Variants in KAZN observed in about 807,000 individuals in gnomAD.
KAZN encodes kazrin, periplakin interacting protein, also known as kazrin.
KAZN carries 40 observed loss-of-function variants against 87.4 expected under a neutral mutation model. The ratio of observed to expected loss-of-function variants is 0.46; its 90% CI spans 0.36 to 0.60. The LOEUF (loss-of-function observed/expected upper bound fraction) is 0.60. Among genes scored for constraint, KAZN ranks in the 20% least tolerant of loss-of-function variants. KAZN has a pLI of 0.00. For missense variants in KAZN, 898 were observed against 1,073.9 expected (o/e 0.84, Z 2.29); for synonymous variants, 466 against 458.3 (o/e 1.02, Z -0.22).
rs571448523 is a variant in KAZN, at chr1:15,087,605, G to A, written c.1223-6575G>A. ...AGACGGGGTTTCACCATGTCGGCCA[G>A]GGTGGTCTTGACCTCAGGTGATCCA... On this transcript the variant is annotated intron_variant, in intron 8 of 14. Transcript: ENST00000376030. Among the ~76,000 whole-genome samples the A allele has an allele frequency of 8.5e-5, 13 of 152,246 alleles. No individual in the cohort carries two copies. The East Asian group carries it at 2.3e-3, about 27-fold the overall frequency.
At chr1:14,283,445 G>A (rs770939578) in intron 2 of KAZN, among the ~76,000 whole-genome samples, 12 of 152,040 alleles carry the variant, frequency 7.9e-5, no homozygotes, top group African/African-American at 2.7e-4. Context: ...CCAAACAGAC[G>A]TCTCTTACAA....
chr1:14,573,670 A>G (rs905636330), intron 2 of KAZN, among the ~76,000 whole-genome samples: 2 of 152,144 alleles, frequency 1.3e-5, no homozygotes, highest in Non-Finnish European at 2.9e-5. Context: ...AAAAAGAAAG[A>G]AATACACTAA....
At chr1:14,897,120 G>A (rs1366142753) in intron 1 of KAZN, among the ~76,000 whole-genome samples, 2 of 152,140 alleles carry the variant, frequency 1.3e-5, no homozygotes, top group African/African-American at 4.8e-5. Context: ...GCCCTCTTCT[G>A]GGTGTCAGCT....
chr1:14,052,466 G>A (rs555897369), intron 1 of KAZN, among the ~76,000 whole-genome samples: 2 of 152,128 alleles, frequency 1.3e-5, no homozygotes, highest in African/African-American at 4.8e-5. Flanking sequence ...CCCTATGGGA[G>A]TTTACAATTA....
chr1:14,992,137 G>A (rs1029160902), intron 2 of KAZN, among the ~76,000 whole-genome samples: 1 of 152,096 alleles, frequency 6.6e-6, no homozygotes, highest in Non-Finnish European at 1.5e-5. Context: ...CCATTACCGG[G>A]GCCCCAGCAG....
intron 1 of KAZN, among the ~76,000 whole-genome samples, chr1:14,795,315 G>A (rs190141113): frequency 1.4e-4 from 22 of 152,272 alleles, no homozygotes; most frequent in South Asian, 4.1e-4. Flanking sequence ...TGTAAGGGGT[G>A]TGCAGATGGA....
At chr1:14,792,726 C>T (rs1645713639) in intron 1 of KAZN, among the ~76,000 whole-genome samples, 1 of 152,176 alleles carries the variant, frequency 6.6e-6, no homozygotes, top group South Asian at 2.1e-4. Flanking sequence ...GCCTGTAATC[C>T]CAGCACTTTG....
intron 1 of KAZN, among the ~76,000 whole-genome samples, chr1:14,691,654 T>C (rs1340477359): frequency 6.6e-6 from 1 of 152,146 alleles, no homozygotes; most frequent in Non-Finnish European, 1.5e-5. Context: ...GCCCAGCTAC[T>C]TTTTATATTT....
chr1:14,768,610 G>A (rs569032032), intron 1 of KAZN, among the ~76,000 whole-genome samples: 1 of 152,162 alleles, frequency 6.6e-6, no homozygotes, highest in Non-Finnish European at 1.5e-5. Flanking sequence ...TGACCCCCTG[G>A]AGTGAGGGCA....
In KAZN at chr1:15,098,114, A is replaced by G. The variant is rs59988548; in HGVS notation, c.1547+3181A>G. ...GAGACCCAGAGTTTCAAGGTCCCAG[A>G]GCTAAAAAGTAATAGAACCAGAACA... On this transcript the variant is annotated intron_variant, in intron 10 of 14. Coordinates refer to ENST00000376030, the MANE Select transcript of KAZN (RefSeq NM_201628.3). 4.6e-5 allele frequency among the ~76,000 whole-genome samples: 7 copies of G among 152,324 alleles called. No homozygotes were observed. The East Asian group carries it at 1.2e-3, about 25-fold the overall frequency.
At chr1:14,940,204 A>G (rs1490076863) in intron 1 of KAZN, among the ~76,000 whole-genome samples, 1 of 152,218 alleles carries the variant, frequency 6.6e-6, no homozygotes, top group African/African-American at 2.4e-5. Flanking sequence ...AATTTAGGGC[A>G]AGGAAGACAG....
Position 14,669,173 on chromosome 1 carries a change from A to G in KAZN, c.226+69950A>G, listed in dbSNP as rs114550503. On this transcript the variant is annotated intron_variant, in intron 1 of 14. Transcript: ENST00000376030. ...GCAGCCACCATCCACCTCCACCCCA[A>G]CTTGGGAAGCCCTGGCTCTCTTCTG... Among the ~76,000 whole-genome samples, 367 of 152,294 alleles carry G rather than the reference A, an allele frequency of 2.4e-3. 1 individual carries two copies. Among genetic ancestry groups the G allele is most frequent in the African/African-American group, 8.5e-3 (355 of 41,568 alleles).
intron 1 of KAZN, among the ~76,000 whole-genome samples, chr1:14,733,670 A>ACT (rs1333197451): frequency 1.3e-5 from 2 of 151,672 alleles, no homozygotes; most frequent in Non-Finnish European, 2.9e-5. Flanking sequence ...CAGCGTGGGG[A>ACT]CTCGGGGGTC....
intron 2 of KAZN, among the ~76,000 whole-genome samples, chr1:14,219,538 G>A (rs1647046318): frequency 6.6e-6 from 1 of 152,128 alleles, no homozygotes; most frequent in Admixed American, 6.6e-5. Flanking sequence ...TGGACAGGCA[G>A]ACCTGTAAAC....
chr1:14,099,972 C>G (rs1644213706), intron 1 of KAZN, among the ~76,000 whole-genome samples: 1 of 152,134 alleles, frequency 6.6e-6, no homozygotes, highest in Non-Finnish European at 1.5e-5. Context: ...TTCTCTTTCT[C>G]TCTCTCCTGA....
At chr1:14,841,136 G>A (rs900197340) in intron 1 of KAZN, among the ~76,000 whole-genome samples, 24 of 151,466 alleles carry the variant, frequency 1.6e-4, no homozygotes, top group African/African-American at 5.3e-4. Flanking sequence ...AGCCATAAGC[G>A]GCCGGGTGTG....
intron 2 of KAZN, among the ~76,000 whole-genome samples, chr1:14,287,113 A>G (rs1223591608): frequency 1.3e-5 from 2 of 152,210 alleles, no homozygotes; most frequent in Non-Finnish European, 2.9e-5. Flanking sequence ...AGGTGAGCCT[A>G]TGATAATAGG....
chr1:14,788,333 A>G (rs1195765443), intron 1 of KAZN, among the ~76,000 whole-genome samples: 1 of 152,192 alleles, frequency 6.6e-6, no homozygotes, highest in Admixed American at 6.5e-5. Context: ...TGGCAGATGG[A>G]AAAAGATGGT....
intron 2 of KAZN, among the ~76,000 whole-genome samples, chr1:14,447,321 C>G (rs1667041800): frequency 6.6e-6 from 1 of 151,258 alleles, no homozygotes; most frequent in Non-Finnish European, 1.5e-5. Flanking sequence ...TCACTGCAAG[C>G]TCCACCTCCT....
Sources: gnomAD v4.1 joint callset for allele counts (sites outside exome capture counted in the v4.1 genomes callset) on GRCh38, gnomAD v4.1.1 for gene constraint, MANE v1.5 for transcripts, NCBI Gene and HGNC (gene_info 2026-07-23, HGNC 2026-07-21) for gene names.